Variants in HYAL3 observed in about 807,000 individuals in gnomAD.
The protein encoded by HYAL3 is hyaluronidase 3, also known as hyaluronidase-3.
HYAL3 carries 25 observed loss-of-function variants against 29.6 expected under a neutral mutation model. The ratio of observed to expected loss-of-function variants is 0.85; its 90% confidence interval spans 0.62 to 1.18. The LOEUF (loss-of-function observed/expected upper bound fraction) is 1.18. Among genes scored for constraint, HYAL3 ranks in the 50% most tolerant of loss-of-function variants. HYAL3 has a pLI of 0.00. For missense variants in HYAL3, 442 were observed against 548.4 expected (o/e 0.81, Z 1.94); for synonymous variants, 215 against 218.3 (o/e 0.99, Z 0.13).
rs587738732 is a variant in HYAL3 at position 50,294,453 on chromosome 3, G to A, written c.894+256C>T. On this transcript the variant is annotated intron_variant, in intron 2 of 3. Transcript: ENST00000336307. ...AGCCCAAGTAGGGCCCCTTTGTATC[G>A]AGTCTCTGAGTGGCTTCTCAGGCCT... Among the ~76,000 whole-genome samples the A allele has an allele frequency of 5.3e-5, 8 of 152,138 alleles. 1 individual carries two copies. In the South Asian group the frequency reaches 1.7e-3, roughly 32 times the overall value.
intron 1 of HYAL3, among the ~76,000 whole-genome samples, chr3:50,296,134 G>A (rs1313318987): frequency 1.3e-5 from 2 of 152,332 alleles, no homozygotes; most frequent in Admixed American, 6.5e-5. Flanking sequence ...TCCTGCTACT[G>A]TATGCCTGTT....
intron 1 of HYAL3, chr3:50,296,518 C>CTG: frequency 2.0e-6 from 3 of 1,484,826 alleles, no homozygotes; most frequent in Non-Finnish European, 9.2e-7. Context: ...GGGCTAGGGG[C>CTG]TGAGGTATGG....
rs1257378627 is a variant in HYAL3 at position 50,299,368 on chromosome 3, G to T, written c.-173C>A. Reference sequence around the variant, plus strand: ...GTCGCGTCCTGCGGCACGCCACGGCGTTCTAAGGCCTCCCAGCACCCGCGC... The same window carrying T: ...GTCGCGTCCTGCGGCACGCCACGGCTTTCTAAGGCCTCCCAGCACCCGCGC... On this transcript the variant is annotated 5_prime_UTR_variant, in exon 1 of 4. Coordinates refer to ENST00000336307, the MANE Select transcript of HYAL3 (RefSeq NM_003549.4). 4 of 1,512,832 alleles carry T rather than the reference G, an allele frequency of 2.6e-6. No homozygotes were observed. The highest frequency in any genetic ancestry group is 4.9e-5 in the East Asian group (2 of 40,808). The allele number at this position is 1,512,832 out of a possible 1,614,324, so 93.7% of individuals were successfully genotyped here. A position where few individuals can be genotyped will look rare whatever the true frequency, so the allele number is the denominator to read the frequency against.
At chr3:50,296,560 C>T in intron 1 of HYAL3, 1 of 1,588,892 alleles carries the variant, frequency 6.3e-7, no homozygotes, top group Non-Finnish European at 8.6e-7. Context: ...ACTGTCGGGG[C>T]AGTCTATTGA....
chr3:50,298,705 G>A lies in HYAL3; in HGVS notation c.-18+508C>T, dbSNP rs587678513. 73 of 974,434 alleles carry A rather than the reference G, an allele frequency of 7.5e-5. 1 individual carries two copies. The African/African-American group carries it at 1.1e-3, about 15-fold the overall frequency. The allele number at this position is 974,434 out of a possible 1,614,324, so 60.4% of individuals were successfully genotyped here. On this transcript the variant is annotated intron_variant, in intron 1 of 3. Coordinates refer to ENST00000336307, the MANE Select transcript of HYAL3 (RefSeq NM_003549.4). Reference sequence around the variant, plus strand: ...TCCTTCTACTCACCTGCTCCAGAGGGGGCCTCCTGGCTCCCCTTACCTCTC... The same window carrying A: ...TCCTTCTACTCACCTGCTCCAGAGGAGGCCTCCTGGCTCCCCTTACCTCTC...
In HYAL3 at chr3:50,297,597, G is replaced by A. The variant is rs2109293333; in HGVS notation, c.-18+1616C>T. 6.7e-7 allele frequency: 1 copy of A among 1,487,668 alleles called. No individual in the cohort carries two copies. The highest frequency in any genetic ancestry group is 1.4e-5 in the South Asian group (1 of 72,370). 92.2% of individuals were successfully genotyped at this position (1,487,668 alleles called of 1,614,324 possible). On this transcript the variant is annotated intron_variant, in intron 1 of 3. Coordinates refer to ENST00000336307, the MANE Select transcript of HYAL3 (RefSeq NM_003549.4). The surrounding 1 kb of genome is among the most constrained non-coding windows in gnomAD (Gnocchi z 4.3). Reference sequence around the variant, plus strand: ...GGTCACCTGCTGCTAGGTTGCAGGTGGCTCAGTGCCAGGCTGGAGGTTAAG... The same window carrying A: ...GGTCACCTGCTGCTAGGTTGCAGGTAGCTCAGTGCCAGGCTGGAGGTTAAG...
chr3:50,293,307 T>G lies in HYAL3; in HGVS notation c.1193A>C (p.Tyr398Ser), dbSNP rs1553710324. The G allele has an allele frequency of 6.2e-7, 1 of 1,613,352 alleles. No individual in the cohort carries two copies. Among genetic ancestry groups the G allele is most frequent in the East Asian group, 2.2e-5 (1 of 44,880 alleles). ...GCAGGTGGGGCCAGCCCAGCCCCAG[T>G]AACAGTGGCAGCTGAAGGACTTCCA... ...GDWKSFSCHC[Y>S]WGWAGPTCQE... Residue 398 changes from tyrosine (Y) to serine (S), a missense_variant, in exon 4 of 4, where the codon TAC becomes TCC. Tyr to Ser is a moderately radical substitution (Grantham distance 144). Coordinates refer to ENST00000336307, the MANE Select transcript of HYAL3 (RefSeq NM_003549.4).
Position 50,297,465 on chromosome 3 carries a change from C to G in HYAL3, c.-18+1748G>C. 1 of 1,598,252 alleles carries G rather than the reference C, an allele frequency of 6.3e-7. No individual in the cohort carries two copies. Among genetic ancestry groups the G allele is most frequent in the South Asian group, 1.1e-5 (1 of 88,320 alleles). On this transcript the variant is annotated intron_variant, in intron 1 of 3. Coordinates refer to ENST00000336307, the MANE Select transcript of HYAL3 (RefSeq NM_003549.4). The surrounding 1 kb of genome is among the most constrained non-coding windows in gnomAD (Gnocchi z 4.3). ...GCTGGTACTCAGGATCAGCTCCATC[C>G]GGTGTGTAGGGTCTAGTGTAGGGGT...
rs1224971923 is a variant in HYAL3 at position 50,299,281 on chromosome 3, C to A, written c.-86G>T. 6.2e-6 allele frequency: 10 copies of A among 1,613,350 alleles called. No individual in the cohort carries two copies. The highest frequency in any genetic ancestry group is 8.5e-6 in the Non-Finnish European group (10 of 1,179,928). On this transcript the variant is annotated 5_prime_UTR_variant, in exon 1 of 4. Transcript: ENST00000336307. ...ACAGCTGGGTATCTCACTCAGTCGC[C>A]ACCTCGGACTCCTCGGTCCGACAAC...
At chr3:50,298,875 C>T in intron 1 of HYAL3, 3 of 1,304,962 alleles carry the variant, frequency 2.3e-6, no homozygotes, top group Non-Finnish European at 2.9e-6. Context: ...GGAGGAAGCC[C>T]CAGGATCCGC....
Position 50,299,348 on chromosome 3 carries a change from G to A in HYAL3, c.-153C>T. On this transcript the variant is annotated 5_prime_UTR_variant, in exon 1 of 4. The change creates a new upstream start codon in the 5' untranslated region. Coordinates refer to ENST00000336307, the MANE Select transcript of HYAL3 (RefSeq NM_003549.4). ...GCGGCGGATGTTCTGCAGCCGTCGC[G>A]TCCTGCGGCACGCCACGGCGTTCTA... 6 of 1,565,912 alleles carry A rather than the reference G, an allele frequency of 3.8e-6. No homozygotes were observed. The highest frequency in any genetic ancestry group is 5.2e-6 in the Non-Finnish European group (6 of 1,157,878).
chr3:50,297,346 C>T lies in HYAL3; in HGVS notation c.-17-1727G>A, dbSNP rs782316757. 8.1e-6 allele frequency: 13 copies of T among 1,611,004 alleles called. No homozygotes were observed. The East Asian group carries it at 2.7e-4, about 33-fold the overall frequency. ...TGGTGTTCAGGATCCAGGGTAAGCT[C>T]AGTTGGACCAGGATTGAAGGTCATC... On this transcript the variant is annotated intron_variant, in intron 1 of 3. Coordinates refer to ENST00000336307, the MANE Select transcript of HYAL3 (RefSeq NM_003549.4). The surrounding 1 kb of genome is among the most constrained non-coding windows in gnomAD (Gnocchi z 4.3).
Position 50,299,405 on chromosome 3 carries a change from G to T in HYAL3, c.-210C>A. Reference sequence around the variant, plus strand: ...CCCAGCACCCGCGCGTCGCCGCTTAGAACCCGCCCCTGGTTTGCGCGTCAC... The same window carrying T: ...CCCAGCACCCGCGCGTCGCCGCTTATAACCCGCCCCTGGTTTGCGCGTCAC... On this transcript the variant is annotated 5_prime_UTR_variant, in exon 1 of 4. Coordinates refer to ENST00000336307, the MANE Select transcript of HYAL3 (RefSeq NM_003549.4). 7.7e-7 allele frequency: 1 copy of T among 1,302,340 alleles called. No homozygotes were observed. Among genetic ancestry groups the T allele is most frequent in the African/African-American group, 1.5e-5 (1 of 68,134 alleles). The allele number at this position is 1,302,340 out of a possible 1,614,324, so 80.7% of individuals were successfully genotyped here.
chr3:50,295,993 C>T (rs902140526), intron 1 of HYAL3, among the ~76,000 whole-genome samples: 11 of 152,186 alleles, frequency 7.2e-5, no homozygotes, highest in Admixed American at 6.5e-4. Context: ...CCTCACCTGC[C>T]TGGTTTAATT....
At chr3:50,296,504 C>G in intron 1 of HYAL3, 13 of 1,410,306 alleles carry the variant, frequency 9.2e-6, no homozygotes, top group Non-Finnish European at 1.3e-5. Context: ...AAGCTGCCCC[C>G]CAGGGGCTAG....
intron 1 of HYAL3, chr3:50,296,942 G>A (rs782570830): frequency 6.2e-7 from 1 of 1,606,960 alleles, no homozygotes; most frequent in Non-Finnish European, 8.5e-7. Flanking sequence ...CATGGGTGGT[G>A]AGATGCAGCT....
chr3:50,298,895 T>G (rs587720675), intron 1 of HYAL3: 3 of 1,342,188 alleles, frequency 2.2e-6, no homozygotes, highest in Admixed American at 6.3e-5. Context: ...CCCCTAGGGC[T>G]GAGCCCGGGG....
chr3:50,296,761 C>T, intron 1 of HYAL3: 1 of 1,602,414 alleles, frequency 6.2e-7, no homozygotes, highest in African/African-American at 1.3e-5. Flanking sequence ...CCCTTGGGAC[C>T]CCTTGGGGCA....
chr3:50,295,677 A>G (rs1315430296), intron 1 of HYAL3, 58 bp from the exon 2 acceptor site: 13 of 1,398,570 alleles, frequency 9.3e-6, no homozygotes, highest in Non-Finnish European at 1.1e-5. Flanking sequence ...CACCTTCCAC[A>G]TGGCAGGGAA....
Sources: gnomAD v4.1 joint callset for allele counts (sites outside exome capture counted in the v4.1 genomes callset) on GRCh38, gnomAD v4.1.1 for gene constraint, Gnocchi (gnomAD v3.1) non-coding constraint, MANE v1.5 for transcripts, NCBI Gene and HGNC (gene_info 2026-07-23, HGNC 2026-07-21) for gene names.